The following GRM8 variants were observed in gnomAD, a reference collection of about 807,000 sequenced individuals.
GRM8 encodes glutamate metabotropic receptor 8, also known as metabotropic glutamate receptor 8.
GRM8 carries 47 observed loss-of-function variants against 87.2 expected under a neutral mutation model. The observed-to-expected ratio is 0.54, with a 90% CI of 0.43 to 0.69. The LOEUF (loss-of-function observed/expected upper bound fraction) is 0.69, where lower values mean the gene tolerates loss of function less well. Ranked by LOEUF, GRM8 falls within the 30% of genes least tolerant of loss-of-function variation. The pLI is 0.00. For missense variants in GRM8, 1,019 were observed against 1,139.2 expected (o/e 0.89, Z 1.52); for synonymous variants, 396 against 404.5 (o/e 0.98, Z 0.25).
intron 6 of GRM8, among the ~76,000 whole-genome samples, chr7:126,885,556 G>A (rs1360584393): frequency 2.0e-5 from 3 of 152,118 alleles, no homozygotes; most frequent in African/African-American, 7.2e-5. Context: ...CTGGGAAACA[G>A]AACACAGGAA....
intron 9 of GRM8, among the ~76,000 whole-genome samples, chr7:126,519,020 A>G (rs919641423): frequency 2.0e-5 from 3 of 152,216 alleles, no homozygotes; most frequent in South Asian, 4.1e-4. Context: ...ACATTAACTC[A>G]GAATTGGCTT....
At chr7:126,601,088 C>G (rs201489816) in intron 8 of GRM8, among the ~76,000 whole-genome samples, 58 of 136,256 alleles carry the variant, frequency 4.3e-4, no homozygotes, top group Non-Finnish European at 8.1e-4. Context: ...CCCCTCCCCC[C>G]ACCCCACCAC....
At chr7:127,184,798 G>A (rs1211168698) in intron 2 of GRM8, among the ~76,000 whole-genome samples, 1 of 151,762 alleles carries the variant, frequency 6.6e-6, no homozygotes, top group East Asian at 1.9e-4. Flanking sequence ...AAGAATAGAA[G>A]GTTAATATAC....
At chr7:127,053,338 T>C (rs971521943) in intron 3 of GRM8, among the ~76,000 whole-genome samples, 3 of 152,240 alleles carry the variant, frequency 2.0e-5, no homozygotes, top group Admixed American at 1.3e-4. Context: ...AACAAATCCA[T>C]TGATCTGGCA....
chr7:126,928,307 T>C (rs764135707), intron 3 of GRM8, among the ~76,000 whole-genome samples: 16 of 152,132 alleles, frequency 1.1e-4, no homozygotes, highest in Non-Finnish European at 1.8e-4. Flanking sequence ...CAAACCACCA[T>C]GGCACATGTA....
At chr7:126,788,420 A>AACAAAAAAAAAAAACAACAAAAAAAAAAC (rs1554492201) in intron 6 of GRM8, among the ~76,000 whole-genome samples, 1 of 81,138 alleles carries the variant, frequency 1.2e-5, no homozygotes, top group African/African-American at 4.6e-5. Flanking sequence ...AAAAAAAAAA[A>AACAAAAAAAAAAAACAACAAAAAAAAAAC]AAACCCTTTC....
intron 1 of GRM8, among the ~76,000 whole-genome samples, chr7:127,245,945 C>G (rs1203625476): frequency 4.6e-5 from 7 of 152,226 alleles, no homozygotes; most frequent in African/African-American, 1.7e-4. Flanking sequence ...TTGTTGCTAA[C>G]TTAGTCTGTA....
chr7:126,938,432 C>G (rs1210353561), intron 3 of GRM8, among the ~76,000 whole-genome samples: 1 of 152,188 alleles, frequency 6.6e-6, no homozygotes, highest in Non-Finnish European at 1.5e-5. Flanking sequence ...AACCTGTACC[C>G]TAATTAATAT....
At chr7:127,203,676 C>T (rs1458499698) in intron 2 of GRM8, among the ~76,000 whole-genome samples, 1 of 151,448 alleles carries the variant, frequency 6.6e-6, no homozygotes, top group Non-Finnish European at 1.5e-5. Flanking sequence ...CCACTGTACT[C>T]CAGTCTGGGC....
intron 7 of GRM8, among the ~76,000 whole-genome samples, chr7:126,768,416 G>T (rs992915944): frequency 6.8e-6 from 1 of 146,054 alleles, no homozygotes; most frequent in Non-Finnish European, 1.5e-5. Context: ...GAGTCTAGAG[G>T]CAAATCCTTT....
intron 8 of GRM8, among the ~76,000 whole-genome samples, chr7:126,572,261 A>G (rs1036365535): frequency 6.6e-6 from 1 of 152,222 alleles, no homozygotes; most frequent in Non-Finnish European, 1.5e-5. Flanking sequence ...AAAGATAAAT[A>G]TGAGAGACAG....
At chr7:127,097,585 C>T (rs1029651531) in intron 3 of GRM8, among the ~76,000 whole-genome samples, 7 of 152,118 alleles carry the variant, frequency 4.6e-5, no homozygotes, top group African/African-American at 1.4e-4. Flanking sequence ...CTTTGTTATG[C>T]CTTTTGGGGG....
intron 9 of GRM8, chr7:126,511,014 C>G (rs1811290024): frequency 6.6e-6 from 1 of 152,152 alleles, no homozygotes; most frequent in Admixed American, 6.6e-5. Context: ...GTTGGTGAAG[C>G]AGACAGGTAA....
chr7:126,871,991 T>C (rs1286587222), intron 6 of GRM8, among the ~76,000 whole-genome samples: 2 of 152,308 alleles, frequency 1.3e-5, no homozygotes, highest in East Asian at 3.9e-4. Context: ...CTTTATATTT[T>C]ATCATTTGCA....
chr7:126,765,267 C>T (rs1263380044), intron 7 of GRM8, among the ~76,000 whole-genome samples: 1 of 151,374 alleles, frequency 6.6e-6, no homozygotes, highest in African/African-American at 2.4e-5. Context: ...GACAGAGATG[C>T]TTTTTTTTTC....
chr7:126,693,829 A>AT (rs1368231786), intron 7 of GRM8, among the ~76,000 whole-genome samples: 1 of 151,976 alleles, frequency 6.6e-6, no homozygotes, highest in African/African-American at 2.4e-5. Context: ...TTCTCAAAGT[A>AT]TTTTCTATTT....
At chr7:126,839,034 T>C (rs1241321458) in intron 6 of GRM8, among the ~76,000 whole-genome samples, 1 of 152,138 alleles carries the variant, frequency 6.6e-6, no homozygotes, top group Admixed American at 6.6e-5. Context: ...GCCTGAAATT[T>C]CCCAATATAT....
intron 3 of GRM8, among the ~76,000 whole-genome samples, chr7:127,076,471 G>A (rs1822268637): frequency 6.6e-6 from 1 of 152,210 alleles, no homozygotes; most frequent in Non-Finnish European, 1.5e-5. Flanking sequence ...AGTCCCCAAG[G>A]CTGGGATGAG....
intron 6 of GRM8, among the ~76,000 whole-genome samples, chr7:126,859,627 A>G (rs1200970965): frequency 1.3e-5 from 2 of 152,224 alleles, no homozygotes; most frequent in Non-Finnish European, 2.9e-5. Context: ...GGGTACTTTG[A>G]GAGTCTGATG....
Sources: allele counts gnomAD v4.1 joint callset (sites outside exome capture counted in the v4.1 genomes callset), GRCh38; gene constraint gnomAD v4.1.1; transcripts MANE v1.5; gene names NCBI Gene and HGNC (gene_info 2026-07-23, HGNC 2026-07-21).